SLC2A13: variants seen among roughly 807,000 people sequenced by gnomAD.
The protein encoded by SLC2A13 is solute carrier family 2 member 13, also known as proton myo-inositol cotransporter.
SLC2A13 carries 32 observed loss-of-function variants against 64.4 expected under a neutral mutation model. The ratio of observed to expected loss-of-function variants is 0.50; its 90% CI spans 0.37 to 0.67. The LOEUF (loss-of-function observed/expected upper bound fraction) is 0.67. Among genes scored for constraint, SLC2A13 ranks in the 30% least tolerant of loss-of-function variants. SLC2A13 has a pLI of 0.00. For missense variants in SLC2A13, 743 were observed against 829.2 expected (o/e 0.90, Z 1.28); for synonymous variants, 338 against 327.1 (o/e 1.03, Z -0.36).
intron 1 of SLC2A13, among the ~76,000 whole-genome samples, chr12:40,083,912 G>A (rs570764792): frequency 6.6e-6 from 1 of 152,294 alleles, no homozygotes; most frequent in South Asian, 2.1e-4. Context: ...GTTCTTGGTT[G>A]TAATCAGTGG....
chr12:39,795,601 G>A (rs1205457705), intron 7 of SLC2A13, among the ~76,000 whole-genome samples: 1 of 152,140 alleles, frequency 6.6e-6, no homozygotes, highest in Non-Finnish European at 1.5e-5. Context: ...TCTATGGAAT[G>A]ATTTGGGCTT....
chr12:40,077,145 CTTTAG>C (rs1938208149), intron 1 of SLC2A13, among the ~76,000 whole-genome samples: 3 of 152,056 alleles, frequency 2.0e-5, no homozygotes, highest in Admixed American at 1.3e-4. Flanking sequence ...TGTAGAAGCT[CTTTAG>C]TTTAACTAGA....
chr12:40,023,719 C>T (rs1199213806), intron 3 of SLC2A13, among the ~76,000 whole-genome samples: 2 of 152,170 alleles, frequency 1.3e-5, no homozygotes, highest in Non-Finnish European at 2.9e-5. Flanking sequence ...TGGACAGACC[C>T]TACTTTTAAT....
rs1331221081 is a variant in SLC2A13 at position 39,968,748 on chromosome 12, TG to T, written c.926-17384del. Among the ~76,000 whole-genome samples the T allele has an allele frequency of 3.5e-4, 20 of 57,120 alleles. 2 individuals carry two copies. The Middle Eastern group carries it at 0.028, about 81-fold the overall frequency. The allele number at this position is 57,120 out of a possible 152,430, so 37.5% of individuals were successfully genotyped here. ...CCTGCCCTTTCTTTTTTATTTTTGT[TG>T]TTTTTTTTTGGTATATATATATATA... On this transcript the variant is annotated intron_variant, in intron 3 of 9. Transcript: ENST00000280871.
At chr12:40,085,339 G>C (rs1168209199) in intron 1 of SLC2A13, among the ~76,000 whole-genome samples, 1 of 152,214 alleles carries the variant, frequency 6.6e-6, no homozygotes, top group Non-Finnish European at 1.5e-5. Context: ...TGAAGTAGTT[G>C]GTTGGTCAAA....
At chr12:40,040,364 G>A (rs529216551) in intron 2 of SLC2A13, among the ~76,000 whole-genome samples, 39 of 152,266 alleles carry the variant, frequency 2.6e-4, no homozygotes, top group African/African-American at 7.5e-4. Context: ...ATAAACAGTC[G>A]TATTTATATC....
intron 3 of SLC2A13, among the ~76,000 whole-genome samples, chr12:40,012,582 T>C (rs1295354568): frequency 6.6e-6 from 1 of 152,168 alleles, no homozygotes; most frequent in African/African-American, 2.4e-5. Context: ...GAACCTAAAT[T>C]CTAGCTTAAT....
chr12:40,099,860 C>T (rs1296790379), intron 1 of SLC2A13, among the ~76,000 whole-genome samples: 3 of 151,880 alleles, frequency 2.0e-5, no homozygotes, highest in African/African-American at 7.3e-5. Context: ...GAATTCCTGC[C>T]TTCAAAAACA....
intron 3 of SLC2A13, among the ~76,000 whole-genome samples, chr12:39,997,922 G>A (rs540136091): frequency 1.1e-4 from 17 of 152,236 alleles, no homozygotes; most frequent in Admixed American, 2.6e-4. Flanking sequence ...ACTGCTGGTC[G>A]GAATGTAATC....
chr12:40,071,209 C>T (rs1410745423), intron 1 of SLC2A13, among the ~76,000 whole-genome samples: 1 of 152,102 alleles, frequency 6.6e-6, no homozygotes, highest in Non-Finnish European at 1.5e-5. Flanking sequence ...GTCTTGATTA[C>T]TGTCACTTTT....
chr12:39,800,990 G>A (rs1416988523), intron 7 of SLC2A13, among the ~76,000 whole-genome samples: 20 of 13,548 alleles, frequency 1.5e-3, no homozygotes, highest in African/African-American at 4.1e-3. Flanking sequence ...GTAAACTATC[G>A]CAAGAACAAA....
At chr12:39,924,749 C>T (rs1297045271) in intron 4 of SLC2A13, among the ~76,000 whole-genome samples, 3 of 151,910 alleles carry the variant, frequency 2.0e-5, no homozygotes, top group Non-Finnish European at 4.4e-5. Flanking sequence ...GGTGAAAATA[C>T]TAGAGAAAAA....
intron 7 of SLC2A13, 106 bp downstream of exon 7, chr12:39,829,997 G>A: frequency 7.3e-7 from 1 of 1,367,668 alleles, no homozygotes; most frequent in Non-Finnish European, 1.0e-6. Context: ...TAGTTATGAA[G>A]GCCAGTTTAA....
chr12:40,064,634 T>G (rs1041386589), intron 1 of SLC2A13, among the ~76,000 whole-genome samples: 5 of 152,130 alleles, frequency 3.3e-5, no homozygotes, highest in Non-Finnish European at 7.4e-5. Flanking sequence ...AAGCTACATC[T>G]CATAGGAAAA....
chr12:40,047,208 C>A (rs1287362148), intron 2 of SLC2A13, among the ~76,000 whole-genome samples: 2 of 152,106 alleles, frequency 1.3e-5, no homozygotes, highest in African/African-American at 4.8e-5. Context: ...AGTCCACACC[C>A]TTTTTTCTTC....
rs190548889 is a variant in SLC2A13 at position 39,755,651 on chromosome 12, C to A, written c.*4375G>T. ...GTTGGTTACTCATTAGCTGCATGAT[C>A]CACTTCTTTTTCTCATTTATGCTGA... is the stretch of plus-strand genomic sequence containing the variant. On this transcript the variant is annotated 3_prime_UTR_variant, in exon 10 of 10. Coordinates refer to ENST00000280871, the MANE Select transcript of SLC2A13 (RefSeq NM_052885.4). 1 of 151,968 alleles carries A rather than the reference C, an allele frequency of 6.6e-6. No individual in the cohort carries two copies. The highest frequency in any genetic ancestry group is 1.5e-5 in the Non-Finnish European group (1 of 67,868). The allele number at this position is 151,968 out of a possible 1,614,324, so 9.4% of individuals were successfully genotyped here.
chr12:39,977,618 T>A (rs528483149), intron 3 of SLC2A13, among the ~76,000 whole-genome samples: 1 of 152,368 alleles, frequency 6.6e-6, no homozygotes, highest in East Asian at 1.9e-4. Flanking sequence ...TTGATGTTGC[T>A]ACAGCTCAAA....
intron 4 of SLC2A13, among the ~76,000 whole-genome samples, chr12:39,887,306 T>C (rs1002908006): frequency 2.0e-5 from 3 of 152,202 alleles, no homozygotes; most frequent in African/African-American, 7.2e-5. Flanking sequence ...GGCAGATGGA[T>C]GGGCAGCCAG....
chr12:39,821,785 T>A (rs1942517759), intron 7 of SLC2A13, among the ~76,000 whole-genome samples: 1 of 152,142 alleles, frequency 6.6e-6, no homozygotes, highest in Non-Finnish European at 1.5e-5. Flanking sequence ...CTCATGTGGA[T>A]AAGACTGAAT....
Sources: gnomAD v4.1 joint callset for allele counts (sites outside exome capture counted in the v4.1 genomes callset) on GRCh38, gnomAD v4.1.1 for gene constraint, MANE v1.5 for transcripts, NCBI Gene and HGNC (gene_info 2026-07-23, HGNC 2026-07-21) for gene names.